The following SAMD5 variants were observed in gnomAD, a reference collection of about 807,000 sequenced individuals.
SAMD5 encodes sterile alpha motif domain containing 5, also known as sterile alpha motif domain-containing protein 5.
In SAMD5, 13 loss-of-function variants were observed where a neutral mutation model predicts 11.3. That is an observed-to-expected ratio of 1.15 (90% CI 0.75 to 1.83). SAMD5 has a LOEUF of 1.83. SAMD5 is among the 40% of genes most tolerant of loss of function. The pLI is 0.00. For synonymous variants in SAMD5, 129 were observed against 111.3 expected (o/e 1.16, Z -1.00); for missense variants, 255 against 239.1 (o/e 1.07, Z -0.44).
intron 1 of SAMD5, among the ~76,000 whole-genome samples, chr6:147,721,220 G>A (rs1263180820): frequency 2.1e-4 from 31 of 148,812 alleles, no homozygotes; most frequent in Admixed American, 1.9e-3. Flanking sequence ...ACCCAGTAAT[G>A]GGATGGCTGG....
intron 1 of SAMD5, among the ~76,000 whole-genome samples, chr6:147,600,971 G>A (rs1275585347): frequency 8.5e-5 from 13 of 152,182 alleles, no homozygotes; most frequent in Non-Finnish European, 4.4e-5. Context: ...CATCACAATC[G>A]TAGAATCTTC....
the SAMD5 span, among the ~76,000 whole-genome samples, chr6:147,898,976 C>T: frequency 5.3e-5 from 8 of 151,242 alleles, no homozygotes; most frequent in South Asian, 8.4e-4. Context: ...GTCAGGACAT[C>T]GAGACCATCC....
At chr6:147,531,874 C>T (rs1336704880) in intron 1 of SAMD5, among the ~76,000 whole-genome samples, 1 of 151,954 alleles carries the variant, frequency 6.6e-6, no homozygotes, top group Admixed American at 6.6e-5. Context: ...GAGATTATAT[C>T]ATCAAACAGT....
At chr6:147,877,936 T>TTTTTTTTTTCTTTTTG in the SAMD5 span, among the ~76,000 whole-genome samples, 37,853 of 83,590 alleles carry the variant, frequency 0.45, 7,525 homozygotes, top group African/African-American at 0.61. Flanking sequence ...GATAGATAGA[T>TTTTTTTTTTCTTTTTG]AGATAGATAG....
In SAMD5 at chr6:147,565,258, C is replaced by A; in HGVS notation, c.*802C>A. The stretch of plus-strand genomic sequence containing the variant: ...GCCGCAGCTCACAGCCTGTTCTGAG[C>A]TGCAGTGCTTTATCCCACCTTGCTC... On this transcript the variant is annotated 3_prime_UTR_variant, in exon 2 of 2. Transcript: ENST00000367474. 1.0e-6 allele frequency: 1 copy of A among 985,918 alleles called. No homozygotes were observed. Among genetic ancestry groups the A allele is most frequent in the Non-Finnish European group, 1.2e-6 (1 of 829,970 alleles). The allele number at this position is 985,918 out of a possible 1,614,324, so 61.1% of individuals were successfully genotyped here.
the SAMD5 span, among the ~76,000 whole-genome samples, chr6:147,788,915 T>C: frequency 6.6e-6 from 1 of 150,754 alleles, no homozygotes; most frequent in Non-Finnish European, 1.5e-5. Context: ...AACCCCATCT[T>C]TACTAAGAAT....
chr6:147,723,681 A>C (rs1046906375), intron 1 of SAMD5, among the ~76,000 whole-genome samples: 3 of 152,132 alleles, frequency 2.0e-5, no homozygotes, highest in Admixed American at 2.0e-4. Context: ...GTCTTTAAGA[A>C]TTCATAAAAC....
chr6:147,661,085 T>C (rs1008267983), intron 1 of SAMD5, among the ~76,000 whole-genome samples: 1 of 152,182 alleles, frequency 6.6e-6, no homozygotes, highest in South Asian at 2.1e-4. Context: ...GTGTGAAAGT[T>C]CTGGATGACA....
At chr6:147,685,557 A>C (rs981324699) in intron 1 of SAMD5, among the ~76,000 whole-genome samples, 4 of 152,192 alleles carry the variant, frequency 2.6e-5, no homozygotes, top group Non-Finnish European at 5.9e-5. Context: ...TTCTTCATTT[A>C]CATGGATAAC....
the SAMD5 span, among the ~76,000 whole-genome samples, chr6:147,894,096 GTT>G: frequency 9.0e-5 from 13 of 144,882 alleles, no homozygotes; most frequent in African/African-American, 3.1e-4. Context: ...AATGCCACTG[GTT>G]TTTTTTTTGT....
At chr6:147,843,488 T>G in the SAMD5 span, among the ~76,000 whole-genome samples, 5 of 152,172 alleles carry the variant, frequency 3.3e-5, no homozygotes, top group African/African-American at 1.2e-4. Flanking sequence ...AAATTTTTTT[T>G]TAAATCCAAA....
At chr6:147,577,970 C>A (rs912206019) in intron 1 of SAMD5, among the ~76,000 whole-genome samples, 23 of 152,048 alleles carry the variant, frequency 1.5e-4, no homozygotes, top group African/African-American at 5.6e-4. Context: ...TACACTATTA[C>A]AAAAGTTCAG....
At chr6:147,529,459 C>A (rs1562313427) in intron 1 of SAMD5, among the ~76,000 whole-genome samples, 1 of 152,152 alleles carries the variant, frequency 6.6e-6, no homozygotes, top group Non-Finnish European at 1.5e-5. Flanking sequence ...ACATTCTCTT[C>A]CGCTAATAGT....
At chr6:147,590,315 C>G (rs1789434234) in intron 1 of SAMD5, among the ~76,000 whole-genome samples, 1 of 152,118 alleles carries the variant, frequency 6.6e-6, no homozygotes, top group Non-Finnish European at 1.5e-5. Flanking sequence ...TAATGTTTCT[C>G]AAAGAAACCC....
At chr6:147,622,294 T>C (rs1227379047) in intron 1 of SAMD5, among the ~76,000 whole-genome samples, 1 of 152,246 alleles carries the variant, frequency 6.6e-6, no homozygotes, top group African/African-American at 2.4e-5. Context: ...TTATGCTACT[T>C]AATACAGTGC....
At chr6:147,744,899 C>CAATAAATAAATAAATAAATAAATA in the SAMD5 span, among the ~76,000 whole-genome samples, 1,060 of 137,352 alleles carry the variant, frequency 7.7e-3, 14 homozygotes, top group African/African-American at 0.023. Context: ...CTCTGTCTCA[C>CAATAAATAAATAAATAAATAAATA]AATAAATAAA....
At chr6:147,950,525 C>G in the SAMD5 span, among the ~76,000 whole-genome samples, 1 of 152,168 alleles carries the variant, frequency 6.6e-6, no homozygotes, top group Non-Finnish European at 1.5e-5. Context: ...TCACATTTGG[C>G]CCCGACCTGG....
At chr6:147,699,745 C>T (rs898965273) in intron 1 of SAMD5, among the ~76,000 whole-genome samples, 5 of 152,026 alleles carry the variant, frequency 3.3e-5, no homozygotes, top group African/African-American at 9.7e-5. Flanking sequence ...TATTAACCAG[C>T]GAGTTGTAAA....
the SAMD5 span, among the ~76,000 whole-genome samples, chr6:147,859,215 C>A: frequency 2.7e-5 from 4 of 150,654 alleles, no homozygotes; most frequent in African/African-American, 1.0e-4. Flanking sequence ...ACTGCCTGAG[C>A]CAAAAGCATA....
Sources: gnomAD v4.1 joint callset for allele counts (sites outside exome capture counted in the v4.1 genomes callset) on GRCh38, gnomAD v4.1.1 for gene constraint, MANE v1.5 for transcripts, NCBI Gene and HGNC (gene_info 2026-07-23, HGNC 2026-07-21) for gene names.